Variants in SV2B observed in about 807,000 individuals in gnomAD.
SV2B encodes solute carrier family 22 member B2.
Under a neutral mutation model 73.9 loss-of-function variants are expected in SV2B, and 41 were observed. The observed-to-expected ratio is 0.56, with a 90% confidence interval of 0.43 to 0.72. The LOEUF is 0.72. Ranked by LOEUF, SV2B falls within the 30% of genes least tolerant of loss-of-function variation. The pLI is 0.00. For synonymous variants in SV2B, 314 were observed against 314.2 expected (o/e 1.00, Z 0.01); for missense variants, 764 against 857.8 (o/e 0.89, Z 1.37).
chr15:91,169,207 C>T (rs11633199), intron 1 of SV2B, among the ~76,000 whole-genome samples: 73,658 of 151,802 alleles, frequency 0.49, 20,620 homozygotes, highest in African/African-American at 0.76. Flanking sequence ...GGGACCATGC[C>T]GAGGGTTTTA....
intron 1 of SV2B, among the ~76,000 whole-genome samples, chr15:91,107,297 G>GTTTATTTATTTATTTATTTA (rs10696273): frequency 9.5e-4 from 138 of 145,840 alleles, no homozygotes; most frequent in African/African-American, 3.2e-3. Context: ...TTATTTGTTT[G>GTTTATTTATTTATTTATTTA]TTTATTTATT....
intron 1 of SV2B, among the ~76,000 whole-genome samples, chr15:91,144,676 A>G (rs1188045560): frequency 6.6e-6 from 1 of 152,224 alleles, no homozygotes; most frequent in East Asian, 1.9e-4. Flanking sequence ...TTGCATTTCA[A>G]CAGCGGGACA....
chr15:91,254,700 A>G (rs2047618996), intron 4 of SV2B, among the ~76,000 whole-genome samples: 1 of 152,170 alleles, frequency 6.6e-6, no homozygotes, highest in South Asian at 2.1e-4. Context: ...GGGAGAAGTG[A>G]CACAAAAAGA....
rs16945542 is a variant in SV2B at position 91,301,985 on chromosome 15, C to T, written c.*9433C>T. Reference sequence around the variant, plus strand: ...CATATAGTATGGTATAATCACCCCACCAAACCTCTTCCAAAAGAAGCCAGG... The same window carrying T: ...CATATAGTATGGTATAATCACCCCATCAAACCTCTTCCAAAAGAAGCCAGG... On this transcript the variant is annotated 3_prime_UTR_variant, in exon 13 of 13. Transcript: ENST00000394232. This position sits in a 1 kb window ranked among gnomAD's most constrained non-coding sequence, Gnocchi z 4.3. Among the ~76,000 whole-genome samples the T allele has an allele frequency of 0.022, 3,387 of 152,280 alleles. 106 individuals carry two copies. The highest frequency in any genetic ancestry group is 0.072 in the African/African-American group (3,010 of 41,520).
intron 1 of SV2B, among the ~76,000 whole-genome samples, chr15:91,184,037 C>T (rs181350063): frequency 6.6e-6 from 1 of 152,270 alleles, no homozygotes; most frequent in Admixed American, 6.5e-5. Context: ...TATCCACCTT[C>T]ATCTTCTATG....
At chr15:91,120,811 CAAAAAAAAAA>C (rs756474473) in intron 1 of SV2B, among the ~76,000 whole-genome samples, 1 of 97,288 alleles carries the variant, frequency 1.0e-5, no homozygotes, top group Non-Finnish European at 1.9e-5. Context: ...GAACCTGTCT[CAAAAAAAAAA>C]AAAAAGAAAG....
chr15:91,270,634 GT>G (rs1413722773), intron 9 of SV2B, among the ~76,000 whole-genome samples: 1 of 152,258 alleles, frequency 6.6e-6, no homozygotes, highest in Non-Finnish European at 1.5e-5. Context: ...AGGTTTTGCA[GT>G]TCTGACACTT....
chr15:91,134,002 TCC>T (rs1182505791), intron 1 of SV2B, among the ~76,000 whole-genome samples: 4 of 86,650 alleles, frequency 4.6e-5, no homozygotes, highest in Non-Finnish European at 9.2e-5. Context: ...CTTTCTTTCT[TCC>T]TTTTTTTTTT....
In SV2B at chr15:91,124,145, T is replaced by C. The variant is rs1199285201; in HGVS notation, c.-392+23782T>C. 6.6e-6 allele frequency among the ~76,000 whole-genome samples: 1 copy of C among 152,222 alleles called. No individual in the cohort carries two copies. Among genetic ancestry groups the C allele is most frequent in the Non-Finnish European group, 1.5e-5 (1 of 68,044 alleles). On this transcript the variant is annotated intron_variant, in intron 1 of 12. Coordinates refer to ENST00000394232, the MANE Select transcript of SV2B (RefSeq NM_001323032.3). This position sits in a 1 kb window ranked among gnomAD's most constrained non-coding sequence, Gnocchi z 4.6. ...TTGGCTTGCTGGTACTGGTTTGCCA[T>C]TCTTTTCTCACCACATTCATTAAAT...
At chr15:91,206,985 T>C (rs1012661394) in intron 1 of SV2B, among the ~76,000 whole-genome samples, 1 of 152,112 alleles carries the variant, frequency 6.6e-6, no homozygotes, top group African/African-American at 2.4e-5. Flanking sequence ...AGAGTTTTGG[T>C]TGAGACTGAG....
At chr15:91,244,430 C>T (rs143477277) in intron 2 of SV2B, among the ~76,000 whole-genome samples, 1 of 152,316 alleles carries the variant, frequency 6.6e-6, no homozygotes, top group African/African-American at 2.4e-5. Flanking sequence ...CCATAAAAGA[C>T]TAGAAAAGTC....
intron 2 of SV2B, among the ~76,000 whole-genome samples, chr15:91,230,844 G>A (rs1200082516): frequency 6.6e-6 from 1 of 152,108 alleles, no homozygotes; most frequent in African/African-American, 2.4e-5. Flanking sequence ...CAAACACCAC[G>A]ACATAATCAT....
intron 1 of SV2B, among the ~76,000 whole-genome samples, chr15:91,173,190 A>T (rs1370524411): frequency 3.9e-5 from 6 of 152,156 alleles, no homozygotes; most frequent in Admixed American, 3.9e-4. Context: ...TTCCAGGGAG[A>T]GAAAGCATGG....
In SV2B at chr15:91,128,519, C is replaced by T. The variant is rs1209840407; in HGVS notation, c.-392+28156C>T. On this transcript the variant is annotated intron_variant, in intron 1 of 12. Coordinates refer to ENST00000394232, the MANE Select transcript of SV2B (RefSeq NM_001323032.3). This position sits in a 1 kb window ranked among gnomAD's most constrained non-coding sequence, Gnocchi z 4.2. ...CAGAAGCGAAAGTGTTTTTCTCCTC[C>T]CCGTCTGTCTCTCAGTCCCAGTCTC... Among the ~76,000 whole-genome samples the T allele has an allele frequency of 1.3e-5, 2 of 152,162 alleles. No homozygotes were observed. The highest frequency in any genetic ancestry group is 4.8e-5 in the African/African-American group (2 of 41,434).
intron 11 of SV2B, among the ~76,000 whole-genome samples, chr15:91,286,655 T>C (rs1035017356): frequency 2.6e-5 from 4 of 152,180 alleles, no homozygotes; most frequent in Non-Finnish European, 5.9e-5. Flanking sequence ...ATATTGAACA[T>C]GTGTTCAATA....
Position 91,189,303 on chromosome 15 carries a change from C to T in SV2B, c.-391-36570C>T, listed in dbSNP as rs112271286. Among the ~76,000 whole-genome samples the T allele has an allele frequency of 5.8e-3, 885 of 152,208 alleles. 3 individuals carry two copies. Among genetic ancestry groups the T allele is most frequent in the Non-Finnish European group, 9.3e-3 (630 of 68,004 alleles). The stretch of plus-strand genomic sequence containing the variant: ...ACCTCCGTCCCCATTTACCTCCTTT[C>T]GTAGGCATCCATTCCAACACGTTTA... On this transcript the variant is annotated intron_variant, in intron 1 of 12. Coordinates refer to ENST00000394232, the MANE Select transcript of SV2B (RefSeq NM_001323032.3).
intron 11 of SV2B, among the ~76,000 whole-genome samples, chr15:91,285,523 G>C (rs1014596064): frequency 2.0e-5 from 3 of 152,232 alleles, no homozygotes; most frequent in African/African-American, 7.2e-5. Flanking sequence ...GACACTACAG[G>C]TTGGCATCTT....
Position 91,242,261 on chromosome 15 carries a change from G to T in SV2B, c.452-9558G>T, listed in dbSNP as rs1220296358. On this transcript the variant is annotated intron_variant, in intron 2 of 12. Transcript: ENST00000394232. The surrounding 1 kb of genome is among the most constrained non-coding windows in gnomAD (Gnocchi z 4.9). ...GGCCTTTAAATGTTGGAATGTCTCA[G>T]TGCTCAGTCCTTGAATCTCTTGTGT... 1.3e-5 allele frequency among the ~76,000 whole-genome samples: 2 copies of T among 152,128 alleles called. No homozygotes were observed. The highest frequency in any genetic ancestry group is 1.5e-5 in the Non-Finnish European group (1 of 68,024).
In SV2B at chr15:91,137,809, C is replaced by T. The variant is rs1227975113; in HGVS notation, c.-392+37446C>T. On this transcript the variant is annotated intron_variant, in intron 1 of 12. Transcript: ENST00000394232. The surrounding 1 kb of genome is among the most constrained non-coding windows in gnomAD (Gnocchi z 4.9). ...TCAGAATAGAACACCTCACTGGTCA[C>T]TTTTGGAAGATACTAGGAAACCAAC... Among the ~76,000 whole-genome samples, 1 of 151,828 alleles carries T rather than the reference C, an allele frequency of 6.6e-6. No homozygotes were observed. The highest frequency in any genetic ancestry group is 2.4e-5 in the African/African-American group (1 of 41,308).
Sources: allele counts gnomAD v4.1 joint callset (sites outside exome capture counted in the v4.1 genomes callset), GRCh38; gene constraint gnomAD v4.1.1; non-coding constraint Gnocchi (gnomAD v3.1); transcripts MANE v1.5; gene names NCBI Gene and HGNC (gene_info 2026-07-23, HGNC 2026-07-21).